The following FHIT variants were observed in gnomAD, a reference collection of about 807,000 sequenced individuals.
The protein encoded by FHIT is fragile histidine triad diadenosine triphosphatase.
A neutral mutation model predicts 17.9 loss-of-function variants in FHIT; 19 were observed. The observed-to-expected ratio is 1.06, with a 90% CI of 0.74 to 1.56. The LOEUF is 1.56. FHIT is among the 40% of genes most tolerant of loss of function. The probability of loss-of-function intolerance (pLI) is 0.00; values close to 1 mark genes in which losing one functional copy is unlikely to be tolerated. For missense variants in FHIT, 248 were observed against 189.2 expected, an observed-to-expected ratio of 1.31 and a Z score of -1.82; for synonymous variants, 81 against 69.7, an observed-to-expected ratio of 1.16 and a Z score of -0.81.
At chr3:60,146,435 T>C (rs73831601) in intron 5 of FHIT, among the ~76,000 whole-genome samples, 21,655 of 151,824 alleles carry the variant, frequency 0.14, 2,602 homozygotes, top group African/African-American at 0.33. Flanking sequence ...CCCCATCCTC[T>C]CTTCTCTTTT....
intron 1 of FHIT, among the ~76,000 whole-genome samples, chr3:61,249,965 CACACACACACACACACACACACACAA>C (rs2040576314): frequency 2.0e-5 from 3 of 150,910 alleles, no homozygotes; most frequent in African/African-American, 7.4e-5. Context: ...CACACACACA[CACACACACACACACACACACACACAA>C]ACCCTAGACT....
At chr3:60,713,312 AC>A (rs2041591181) in intron 4 of FHIT, among the ~76,000 whole-genome samples, 1 of 151,252 alleles carries the variant, frequency 6.6e-6, no homozygotes, top group Admixed American at 6.6e-5. Flanking sequence ...CTAAATGCCC[AC>A]AAGAGAAAGC....
intron 2 of FHIT, among the ~76,000 whole-genome samples, chr3:61,102,559 T>C (rs1056850823): frequency 7.2e-5 from 11 of 152,124 alleles, no homozygotes; most frequent in Admixed American, 3.3e-4. Context: ...CAGGATGATG[T>C]TGGCCTCATA....
chr3:60,735,553 G>A (rs1324478573), intron 4 of FHIT, among the ~76,000 whole-genome samples: 6 of 152,208 alleles, frequency 3.9e-5, no homozygotes, highest in Non-Finnish European at 7.3e-5. Flanking sequence ...TTCTGAGCTG[G>A]TAAGATAAAA....
chr3:61,177,628 G>T (rs1048814050), intron 2 of FHIT, among the ~76,000 whole-genome samples: 9 of 152,166 alleles, frequency 5.9e-5, no homozygotes, highest in African/African-American at 1.9e-4. Flanking sequence ...TGGGTTCTGA[G>T]AAGAATGGTG....
intron 8 of FHIT, among the ~76,000 whole-genome samples, chr3:59,874,193 A>C (rs148688386): frequency 2.0e-5 from 3 of 152,150 alleles, no homozygotes; most frequent in Non-Finnish European, 4.4e-5. Context: ...CTAACCCCAA[A>C]TGCCTCAAAA....
intron 5 of FHIT, among the ~76,000 whole-genome samples, chr3:60,111,176 G>C (rs1169544571): frequency 1.3e-5 from 2 of 152,242 alleles, no homozygotes; most frequent in East Asian, 3.9e-4. Context: ...ACCGCATATT[G>C]ATTTTTCTAG....
At chr3:60,664,877 T>C (rs2107832148) in intron 4 of FHIT, among the ~76,000 whole-genome samples, 1 of 152,080 alleles carries the variant, frequency 6.6e-6, no homozygotes, top group Non-Finnish European at 1.5e-5. Context: ...ATTTTGCTAG[T>C]AGTTTATCAA....
chr3:60,258,060 TTA>T (rs1706096157), intron 5 of FHIT, among the ~76,000 whole-genome samples: 1 of 70,358 alleles, frequency 1.4e-5, no homozygotes, highest in African/African-American at 5.4e-5. Flanking sequence ...AAGTTGGAAA[TTA>T]AATACACACA....
intron 4 of FHIT, among the ~76,000 whole-genome samples, chr3:60,634,386 G>A (rs1553683249): frequency 6.6e-6 from 1 of 152,192 alleles, no homozygotes; most frequent in African/African-American, 2.4e-5. Context: ...AAAGCAAGAA[G>A]CTGCCCGAGT....
At chr3:61,210,026 TA>T (rs1476691734) in intron 1 of FHIT, among the ~76,000 whole-genome samples, 7 of 152,362 alleles carry the variant, frequency 4.6e-5, no homozygotes, top group Non-Finnish European at 1.5e-5. Context: ...GTTTTCCTTC[TA>T]ACAGTCAGGA....
intron 2 of FHIT, among the ~76,000 whole-genome samples, chr3:61,102,757 C>A (rs965456666): frequency 4.6e-5 from 7 of 152,124 alleles, no homozygotes; most frequent in Non-Finnish European, 7.4e-5. Flanking sequence ...TTTGGAGATT[C>A]AACTTTTTCC....
intron 8 of FHIT, among the ~76,000 whole-genome samples, chr3:59,812,496 A>C (rs1426873774): frequency 3.9e-5 from 6 of 152,190 alleles, no homozygotes; most frequent in Non-Finnish European, 8.8e-5. Flanking sequence ...ATTATGGATG[A>C]GCTCATGTGC....
intron 2 of FHIT, among the ~76,000 whole-genome samples, chr3:61,070,772 C>G (rs2034778428): frequency 6.6e-6 from 1 of 152,184 alleles, no homozygotes; most frequent in South Asian, 2.1e-4. Context: ...ATCCATGCAT[C>G]CCTAACAAGT....
At chr3:60,134,220 G>A (rs943146392) in intron 5 of FHIT, among the ~76,000 whole-genome samples, 2 of 152,108 alleles carry the variant, frequency 1.3e-5, no homozygotes, top group African/African-American at 4.8e-5. Context: ...GTGGAGATAG[G>A]AAAATATCCA....
At chr3:61,093,816 T>G (rs761508283) in intron 2 of FHIT, among the ~76,000 whole-genome samples, 3 of 152,222 alleles carry the variant, frequency 2.0e-5, no homozygotes, top group Non-Finnish European at 4.4e-5. Context: ...ACTTCACCAG[T>G]GTGTATACCC....
chr3:60,410,589 T>C (rs549699420), intron 5 of FHIT, among the ~76,000 whole-genome samples: 14 of 152,158 alleles, frequency 9.2e-5, no homozygotes, highest in Non-Finnish European at 2.1e-4. Context: ...ACCTCCTGGG[T>C]GACTACTTAA....
intron 3 of FHIT, among the ~76,000 whole-genome samples, chr3:60,867,052 G>T (rs1553754012): frequency 6.6e-6 from 1 of 152,072 alleles, no homozygotes; most frequent in Non-Finnish European, 1.5e-5. Flanking sequence ...AGCAACATGA[G>T]CCTACAATAG....
intron 5 of FHIT, among the ~76,000 whole-genome samples, chr3:60,260,225 T>A (rs1336472375): frequency 6.6e-6 from 1 of 151,922 alleles, no homozygotes; most frequent in African/African-American, 2.4e-5. Context: ...GGAGGTTGGT[T>A]CACACTTCAG....
Sources: allele counts gnomAD v4.1 joint callset (sites outside exome capture counted in the v4.1 genomes callset), GRCh38; gene constraint gnomAD v4.1.1; transcripts MANE v1.5; gene names NCBI Gene and HGNC (gene_info 2026-07-23, HGNC 2026-07-21).